RGS7: variants seen among roughly 807,000 people sequenced by gnomAD.
RGS7 encodes the protein regulator of G-protein signaling 7.
Under a neutral mutation model 81.1 loss-of-function variants are expected in RGS7, and 27 were observed. The ratio of observed to expected loss-of-function variants is 0.33; its 90% CI spans 0.25 to 0.46. The LOEUF is 0.46. RGS7 is among the 20% of genes least tolerant of loss of function. RGS7 has a pLI of 1.00. For missense variants in RGS7, 396 were observed against 607.4 expected (o/e 0.65, Z 3.66); for synonymous variants, 208 against 207.7 (o/e 1.00, Z -0.01).
At chr1:241,068,499 A>G (rs186344384) in intron 3 of RGS7, among the ~76,000 whole-genome samples, 2 of 151,828 alleles carry the variant, frequency 1.3e-5, no homozygotes, top group Admixed American at 6.6e-5. Flanking sequence ...TACAACAACT[A>G]TTATTACTCT....
intron 9 of RGS7, among the ~76,000 whole-genome samples, chr1:240,835,471 AT>A (rs1463194556): frequency 2.0e-5 from 3 of 152,230 alleles, no homozygotes; most frequent in Non-Finnish European, 4.4e-5. Context: ...AGCCACAGAG[AT>A]TCTCATTCAT....
chr1:241,171,145 A>C lies in RGS7; in HGVS notation c.79-72383T>G, dbSNP rs191728119. Among the ~76,000 whole-genome samples the C allele has an allele frequency of 2.6e-5, 4 of 152,342 alleles. No homozygotes were observed. The East Asian group carries it at 5.8e-4, about 22-fold the overall frequency. Reference sequence around the variant, plus strand: ...TATTTAAAACGGAAAGAAACATACCATATTTAGAAATCTTTCTGTCCAATG... The same window carrying C: ...TATTTAAAACGGAAAGAAACATACCCTATTTAGAAATCTTTCTGTCCAATG... On this transcript the variant is annotated intron_variant, in intron 2 of 18. Transcript: ENST00000440928.
rs142263866 is a variant in RGS7, at chr1:240,925,131, T to A, written c.385+5586A>T. 1.3e-3 allele frequency among the ~76,000 whole-genome samples: 205 copies of A among 152,234 alleles called. 2 individuals carry two copies. Among genetic ancestry groups the A allele is most frequent in the South Asian group, 1.0e-3 (5 of 4,822 alleles). On this transcript the variant is annotated intron_variant, in intron 6 of 18. Transcript: ENST00000440928. The stretch of plus-strand genomic sequence containing the variant: ...TTCTTTTTTTCAATAATAATTTTAA[T>A]TTTTAGTTTAGATTCAGGGGGTACA...
intron 9 of RGS7, among the ~76,000 whole-genome samples, chr1:240,847,785 A>G (rs1659368896): frequency 6.6e-6 from 1 of 152,224 alleles, no homozygotes; most frequent in Admixed American, 6.5e-5. Flanking sequence ...AGTACACGCC[A>G]ATTTCACCTT....
intron 2 of RGS7, among the ~76,000 whole-genome samples, chr1:241,151,790 A>G (rs2068776045): frequency 6.6e-6 from 1 of 152,164 alleles, no homozygotes; most frequent in African/African-American, 2.4e-5. Context: ...TAAAGTTTGC[A>G]TTAGAAGAGC....
chr1:240,849,484 G>A (rs1396372790), intron 9 of RGS7, among the ~76,000 whole-genome samples: 1 of 152,124 alleles, frequency 6.6e-6, no homozygotes, highest in Non-Finnish European at 1.5e-5. Context: ...CAAAATTAAT[G>A]CCAACTGATA....
intron 3 of RGS7, among the ~76,000 whole-genome samples, chr1:241,001,133 T>A (rs976322131): frequency 6.6e-6 from 1 of 152,060 alleles, no homozygotes; most frequent in Non-Finnish European, 1.5e-5. Context: ...TGTGTGTTCA[T>A]GTGTGTGTGT....
At chr1:240,846,331 G>A (rs116159429) in intron 9 of RGS7, among the ~76,000 whole-genome samples, 2,539 of 152,268 alleles carry the variant, frequency 0.017, 64 homozygotes, top group African/African-American at 0.056. Flanking sequence ...TAAAATATAA[G>A]TGAGTGGTGA....
At chr1:241,062,637 C>A (rs997660761) in intron 3 of RGS7, among the ~76,000 whole-genome samples, 18 of 152,182 alleles carry the variant, frequency 1.2e-4, no homozygotes, top group African/African-American at 4.3e-4. Context: ...CTCATATTTT[C>A]CGGCTATTTC....
At chr1:241,152,061 C>T (rs2068792792) in intron 2 of RGS7, among the ~76,000 whole-genome samples, 1 of 150,042 alleles carries the variant, frequency 6.7e-6, no homozygotes, top group Non-Finnish European at 1.5e-5. Flanking sequence ...GCCACTTAAG[C>T]AGCATTCTCA....
At chr1:241,260,927 T>TGGGGGGG (rs2077296219) in intron 2 of RGS7, among the ~76,000 whole-genome samples, 1 of 47,194 alleles carries the variant, frequency 2.1e-5, no homozygotes, top group Non-Finnish European at 3.9e-5. Context: ...TGTTGTGGGG[T>TGGGGGGG]GGGGGGAGGG....
chr1:241,076,564 A>G (rs536470705), intron 3 of RGS7, among the ~76,000 whole-genome samples: 1 of 152,304 alleles, frequency 6.6e-6, no homozygotes, highest in Admixed American at 6.5e-5. Flanking sequence ...ATATTAATGA[A>G]AGAGGTGAGA....
In RGS7 at chr1:240,902,720, AC is replaced by A. The variant is rs554403039; in HGVS notation, c.385+27996del. Among the ~76,000 whole-genome samples, 9 of 152,352 alleles carry A rather than the reference AC, an allele frequency of 5.9e-5. No individual in the cohort carries two copies. In the South Asian group the frequency reaches 1.9e-3, roughly 32 times the overall value. On this transcript the variant is annotated intron_variant, in intron 6 of 18. Transcript: ENST00000440928. ...GTTTACAATAGAGAGAAACTAGGAA[AC>A]AAAACTAAATATTTAAACAACTATG...
intron 10 of RGS7, 55 bp from the exon 11 acceptor site, chr1:240,816,470 G>T: frequency 1.7e-6 from 2 of 1,168,592 alleles, no homozygotes; most frequent in South Asian, 2.5e-5. Flanking sequence ...TACAGTCACA[G>T]ACTTTCTAAA....
At chr1:241,039,060 C>T (rs1182930647) in intron 3 of RGS7, among the ~76,000 whole-genome samples, 1 of 152,124 alleles carries the variant, frequency 6.6e-6, no homozygotes, top group East Asian at 1.9e-4. Context: ...TGCCCACTTC[C>T]GATGTTGTGA....
chr1:241,148,891 G>A (rs2068543410), intron 2 of RGS7, among the ~76,000 whole-genome samples: 1 of 152,202 alleles, frequency 6.6e-6, no homozygotes, highest in Non-Finnish European at 1.5e-5. Flanking sequence ...AAGCACTGTA[G>A]AGTTTATAAC....
chr1:241,248,354 A>G (rs184224052), intron 2 of RGS7, among the ~76,000 whole-genome samples: 64 of 147,012 alleles, frequency 4.4e-4, no homozygotes, highest in South Asian at 1.5e-3. Flanking sequence ...ATATATATAC[A>G]TATATATATA....
intron 2 of RGS7, among the ~76,000 whole-genome samples, chr1:241,316,198 G>T (rs2080861602): frequency 6.6e-6 from 1 of 152,136 alleles, no homozygotes; most frequent in Non-Finnish European, 1.5e-5. Context: ...CATGCCCTCT[G>T]CAGGCATGCC....
chr1:241,091,594 TAAA>T (rs554243570), intron 3 of RGS7, among the ~76,000 whole-genome samples: 1 of 135,390 alleles, frequency 7.4e-6, no homozygotes, highest in Non-Finnish European at 1.6e-5. Flanking sequence ...AATAAATAAA[TAAA>T]AAAGCTGGCC....
Sources: gnomAD v4.1 joint callset for allele counts (sites outside exome capture counted in the v4.1 genomes callset) on GRCh38, gnomAD v4.1.1 for gene constraint, MANE v1.5 for transcripts, NCBI Gene and HGNC (gene_info 2026-07-23, HGNC 2026-07-21) for gene names.